The following DLG2 variants were observed in gnomAD, a reference collection of about 807,000 sequenced individuals.
The protein encoded by DLG2 is disks large homolog 2.
In DLG2, 45 loss-of-function variants were observed where a neutral mutation model predicts 132.5. The ratio of observed to expected loss-of-function variants is 0.34; its 90% CI spans 0.27 to 0.44. DLG2 has a LOEUF of 0.44. DLG2 is among the 20% of genes least tolerant of loss of function. DLG2 has a pLI of 1.00. For synonymous variants in DLG2, 424 were observed against 419.6 expected (o/e 1.01, Z -0.13); for missense variants, 1,045 against 1,196.9 (o/e 0.87, Z 1.87).
chr11:83,618,231 GT>G (rs2061129263), intron 19 of DLG2, among the ~76,000 whole-genome samples: 1 of 151,772 alleles, frequency 6.6e-6, no homozygotes, highest in Admixed American at 6.6e-5. Flanking sequence ...TATTCTTTCT[GT>G]TTTGGGAAAT....
chr11:85,513,885 C>G (rs776057871), intron 3 of DLG2, among the ~76,000 whole-genome samples: 3 of 151,934 alleles, frequency 2.0e-5, no homozygotes, highest in Non-Finnish European at 4.4e-5. Context: ...TTACCAAGTC[C>G]TATTAATTAC....
chr11:85,392,273 G>C (rs2086864884), intron 3 of DLG2, among the ~76,000 whole-genome samples: 1 of 151,990 alleles, frequency 6.6e-6, no homozygotes, highest in Non-Finnish European at 1.5e-5. Context: ...AAACATTGCT[G>C]TAAGAAATCA....
intron 18 of DLG2, among the ~76,000 whole-genome samples, chr11:83,697,576 G>A (rs1197190174): frequency 3.3e-5 from 5 of 152,092 alleles, no homozygotes; most frequent in African/African-American, 9.7e-5. Context: ...AACCCCTTAC[G>A]TATAACAAGC....
At chr11:85,063,917 G>A (rs1205073938) in intron 6 of DLG2, among the ~76,000 whole-genome samples, 5 of 151,694 alleles carry the variant, frequency 3.3e-5, no homozygotes, top group South Asian at 2.1e-4. Context: ...CAAATAAGGC[G>A]ATATTAGACT....
chr11:85,586,696 T>C (rs1478394935), intron 3 of DLG2, among the ~76,000 whole-genome samples: 1 of 152,182 alleles, frequency 6.6e-6, no homozygotes, highest in African/African-American at 2.4e-5. Context: ...TTTGATTTCA[T>C]TTGGTTCTGC....
Position 85,561,659 on chromosome 11 carries a change from A to G in DLG2, c.40+36998T>C, listed in dbSNP as rs1008672949. ...TCAAATCAACCTCATAAGAAGTTTT[A>G]GCAAGCATGGTTCTATAGAGATATA... On this transcript the variant is annotated intron_variant, in intron 3 of 27. Transcript: ENST00000376104. Among the ~76,000 whole-genome samples, 14 of 151,984 alleles carry G rather than the reference A, an allele frequency of 9.2e-5. 1 individual carries two copies. Among genetic ancestry groups the G allele is most frequent in the African/African-American group, 3.1e-4 (13 of 41,550 alleles).
At chr11:85,274,242 T>C (rs2077739915) in intron 4 of DLG2, among the ~76,000 whole-genome samples, 2 of 152,202 alleles carry the variant, frequency 1.3e-5, no homozygotes, top group South Asian at 2.1e-4. Context: ...ACCCTAGAAC[T>C]TAAAGTATAA....
At position 84,109,852 on chromosome 11, in the gene DLG2, C is replaced by T. The variant is rs142837533; in HGVS notation, c.625-10805G>A. Reference sequence around the variant, plus strand: ...GAAGAAACAAGAATGCTCAACAATTCTTATTACCATAGCAAGAAATCTGAT... The same window carrying T: ...GAAGAAACAAGAATGCTCAACAATTTTTATTACCATAGCAAGAAATCTGAT... On this transcript the variant is annotated intron_variant, in intron 9 of 27. Transcript: ENST00000376104. 3.3e-3 allele frequency among the ~76,000 whole-genome samples: 504 copies of T among 152,266 alleles called. 1 individual carries two copies. Among genetic ancestry groups the T allele is most frequent in the African/African-American group, 0.012 (484 of 41,568 alleles).
chr11:85,423,624 G>C (rs192805718), intron 3 of DLG2, among the ~76,000 whole-genome samples: 3 of 152,032 alleles, frequency 2.0e-5, no homozygotes, highest in Non-Finnish European at 4.4e-5. Flanking sequence ...GGGGGATGGG[G>C]GTGAGCTTCC....
chr11:84,820,797 G>A (rs1398925503), intron 6 of DLG2, among the ~76,000 whole-genome samples: 3 of 151,526 alleles, frequency 2.0e-5, no homozygotes, highest in Admixed American at 6.6e-5. Context: ...TGATCCTATG[G>A]GATTTTCACA....
chr11:84,202,799 A>C (rs1040646418), intron 8 of DLG2, among the ~76,000 whole-genome samples: 5 of 152,218 alleles, frequency 3.3e-5, no homozygotes, highest in Non-Finnish European at 7.3e-5. Context: ...AAAAGTGGGC[A>C]AAGTACAAGA....
At position 84,446,563 on chromosome 11, in the gene DLG2, ATT is replaced by A. The variant is rs61311812; in HGVS notation, c.519+88005_519+88006del. ...CTAGCCCAAGAGCAGTTTCATATCA[ATT>A]TTTTTTTTTTTTGACTTGGAGCTAT... On this transcript the variant is annotated intron_variant, in intron 7 of 27. Transcript: ENST00000376104. Among the ~76,000 whole-genome samples the A allele has an allele frequency of 7.2e-3, 1,046 of 145,116 alleles. 7 individuals carry two copies. Among genetic ancestry groups the A allele is most frequent in the African/African-American group, 0.024 (941 of 39,790 alleles).
At chr11:85,103,940 G>T (rs1371947225) in intron 6 of DLG2, among the ~76,000 whole-genome samples, 1 of 151,696 alleles carries the variant, frequency 6.6e-6, no homozygotes, top group Non-Finnish European at 1.5e-5. Flanking sequence ...AAGATAAACG[G>T]TAATAAGTAC....
At chr11:83,904,748 C>T (rs1008593023) in intron 15 of DLG2, among the ~76,000 whole-genome samples, 2 of 152,040 alleles carry the variant, frequency 1.3e-5, no homozygotes, top group Non-Finnish European at 2.9e-5. Context: ...ATAAAAGATT[C>T]AAGTTCCCTA....
intron 5 of DLG2, among the ~76,000 whole-genome samples, chr11:85,123,292 T>C (rs2074655259): frequency 6.6e-6 from 1 of 152,100 alleles, no homozygotes; most frequent in East Asian, 1.9e-4. Flanking sequence ...GTATATTTTT[T>C]AAGGGAAGGT....
chr11:83,751,338 A>G (rs1386728125), intron 18 of DLG2, among the ~76,000 whole-genome samples: 1 of 152,160 alleles, frequency 6.6e-6, no homozygotes, highest in Admixed American at 6.6e-5. Context: ...GTAAATGGGA[A>G]ATGGGAGAGA....
intron 3 of DLG2, among the ~76,000 whole-genome samples, chr11:85,585,875 G>A (rs371843733): frequency 5.9e-5 from 9 of 151,986 alleles, no homozygotes; most frequent in South Asian, 2.1e-4. Context: ...CACAATGCCC[G>A]GCTAATTTTT....
At chr11:84,925,929 G>A (rs1039986426) in intron 6 of DLG2, among the ~76,000 whole-genome samples, 16 of 152,240 alleles carry the variant, frequency 1.1e-4, no homozygotes, top group Middle Eastern at 3.4e-3. Context: ...GAATACAGGA[G>A]CCTGAAGCCA....
intron 6 of DLG2, among the ~76,000 whole-genome samples, chr11:84,779,627 A>C (rs1309835441): frequency 1.3e-5 from 2 of 152,078 alleles, no homozygotes; most frequent in Admixed American, 1.3e-4. Context: ...AAACTGATAA[A>C]CTTCTAGCTA....
Sources: allele counts gnomAD v4.1 joint callset (sites outside exome capture counted in the v4.1 genomes callset), GRCh38; gene constraint gnomAD v4.1.1; transcripts MANE v1.5; gene names NCBI Gene and HGNC (gene_info 2026-07-23, HGNC 2026-07-21).